The following TMTC2 variants were observed in gnomAD, a reference collection of about 807,000 sequenced individuals.
The protein encoded by TMTC2 is transmembrane O-mannosyltransferase targeting cadherins 2.
A neutral mutation model predicts 82.4 loss-of-function variants in TMTC2; 43 were observed. That is an observed-to-expected ratio of 0.52 (90% confidence interval 0.41 to 0.67). The LOEUF (loss-of-function observed/expected upper bound fraction) is 0.67. Among genes scored for constraint, TMTC2 ranks in the 30% least tolerant of loss-of-function variants. The pLI is 0.00. For missense variants in TMTC2, 919 were observed against 1,012.4 expected (o/e 0.91, Z 1.25); for synonymous variants, 408 against 381.9 (o/e 1.07, Z -0.80).
intron 1 of TMTC2, among the ~76,000 whole-genome samples, chr12:82,715,913 TG>T (rs1873873344): frequency 6.6e-6 from 1 of 152,214 alleles, no homozygotes; most frequent in Non-Finnish European, 1.5e-5. Flanking sequence ...AATCAGATAA[TG>T]ACAACAGAAG....
At chr12:83,094,993 CTAAACA>C (rs1294245971) in intron 11 of TMTC2, among the ~76,000 whole-genome samples, 1 of 152,088 alleles carries the variant, frequency 6.6e-6, no homozygotes, top group Non-Finnish European at 1.5e-5. Context: ...AATAGATGCT[CTAAACA>C]TAAAGTTCAT....
rs750819932 is a variant in TMTC2 at position 82,958,354 on chromosome 12, C to CAA, written c.1599-6655_1599-6654dup. Among the ~76,000 whole-genome samples, 87 of 19,868 alleles carry CAA rather than the reference C, an allele frequency of 4.4e-3. 1 individual carries two copies. Among genetic ancestry groups the CAA allele is most frequent in the East Asian group, 0.017 (13 of 784 alleles). The allele number at this position is 19,868 out of a possible 152,430, so 13.0% of individuals were successfully genotyped here. ...TAGGTGACAGAGCAAGAGTCTGTCT[C>CAA]AAAAAAAAAAAAAAAACAAAAAAAA... is the stretch of plus-strand genomic sequence containing the variant. On this transcript the variant is annotated intron_variant, in intron 4 of 11. Coordinates refer to ENST00000321196, the MANE Select transcript of TMTC2 (RefSeq NM_152588.3).
intron 2 of TMTC2, among the ~76,000 whole-genome samples, chr12:82,894,674 C>T (rs1265845795): frequency 6.6e-6 from 1 of 152,138 alleles, no homozygotes; most frequent in Non-Finnish European, 1.5e-5. Context: ...TAGATGTCAC[C>T]TAAGTTTCTT....
rs185145813 is a variant in TMTC2 at position 83,055,559 on chromosome 12, C to T, written c.2267+4541C>T. ...ATTGAATCATTTATTCTATTAGAAA[C>T]ATTTTCCGTGAATGGATTTATTCAG... On this transcript the variant is annotated intron_variant, in intron 10 of 11. Coordinates refer to ENST00000321196, the MANE Select transcript of TMTC2 (RefSeq NM_152588.3). Among the ~76,000 whole-genome samples the T allele has an allele frequency of 8.4e-3, 1,281 of 152,144 alleles. 14 individuals are homozygous for T. Among genetic ancestry groups the T allele is most frequent in the Non-Finnish European group, 0.013 (880 of 67,960 alleles).
chr12:82,899,361 T>G (rs1592611109), intron 3 of TMTC2, among the ~76,000 whole-genome samples: 1 of 151,934 alleles, frequency 6.6e-6, no homozygotes, highest in African/African-American at 2.4e-5. Flanking sequence ...CCCTTCACAG[T>G]TGACCTCCTC....
intron 1 of TMTC2, among the ~76,000 whole-genome samples, chr12:82,845,762 A>C (rs1870625047): frequency 6.6e-6 from 1 of 152,022 alleles, no homozygotes. Context: ...AATCAGTGAA[A>C]GTGCTTAGAG....
chr12:83,002,454 T>C (rs988899929), intron 8 of TMTC2, among the ~76,000 whole-genome samples: 1 of 152,184 alleles, frequency 6.6e-6, no homozygotes, highest in Non-Finnish European at 1.5e-5. Flanking sequence ...AATTTAGCTT[T>C]GTGGTTGGTT....
At chr12:83,102,118 G>C (rs1884239047) in intron 11 of TMTC2, among the ~76,000 whole-genome samples, 1 of 152,132 alleles carries the variant, frequency 6.6e-6, no homozygotes, top group East Asian at 1.9e-4. Flanking sequence ...AGGCCCGTAA[G>C]GTGCAAATAT....
intron 11 of TMTC2, among the ~76,000 whole-genome samples, chr12:83,117,377 T>C (rs1013119016): frequency 3.3e-5 from 5 of 152,200 alleles, no homozygotes. Context: ...CTTAACAAAA[T>C]ACTAGCTAAC....
intron 11 of TMTC2, among the ~76,000 whole-genome samples, chr12:83,119,446 A>C (rs571813182): frequency 2.0e-5 from 3 of 152,102 alleles, no homozygotes; most frequent in Non-Finnish European, 4.4e-5. Context: ...GTGTATTTGC[A>C]TGGTTCTGAA....
chr12:82,895,940 C>T lies in TMTC2; in HGVS notation c.777C>T (p.Pro259=), dbSNP rs757222007. 5.6e-6 allele frequency: 9 copies of T among 1,613,802 alleles called. No individual in the cohort carries two copies. In the East Asian group the frequency reaches 1.3e-4, roughly 24 times the overall value. The change falls in exon 3 of 12, where the codon CCC becomes CCT. Residue 259 remains proline, a synonymous_variant. Transcript: ENST00000321196. ...KPPSFSNSDN[P]AADSDSLLTR... is the part of the protein sequence containing the mutation. ...CAAGCTTTTCCAACTCGGACAACCC[C>T]GCTGCTGATTCGGACAGCCTCCTCA...
intron 8 of TMTC2, among the ~76,000 whole-genome samples, chr12:83,022,578 A>T (rs1350216285): frequency 6.6e-6 from 1 of 152,080 alleles, no homozygotes; most frequent in Admixed American, 6.6e-5. Context: ...AGAGTGAAAC[A>T]TCACATCTCT....
intron 1 of TMTC2, among the ~76,000 whole-genome samples, chr12:82,725,228 T>C (rs1290008635): frequency 6.6e-6 from 1 of 152,160 alleles, no homozygotes; most frequent in Admixed American, 6.6e-5. Context: ...GGGGATACTT[T>C]TTTTTCCTCC....
chr12:83,012,338 C>T (rs998452834), intron 8 of TMTC2, among the ~76,000 whole-genome samples: 2 of 151,938 alleles, frequency 1.3e-5, no homozygotes, highest in Admixed American at 1.3e-4. Flanking sequence ...TTTTACACAA[C>T]TAATTAGACA....
rs528390164 is a variant in TMTC2 at position 83,034,162 on chromosome 12, A to G, written c.2152+3283A>G. 3.3e-5 allele frequency among the ~76,000 whole-genome samples: 5 copies of G among 152,272 alleles called. No homozygotes were observed. In the East Asian group the frequency reaches 9.6e-4, roughly 29 times the overall value. On this transcript the variant is annotated intron_variant, in intron 9 of 11. Transcript: ENST00000321196. ...CTGTGTTCAGAAAGTAATACTGTAT[A>G]GGAAATAAACAGGATGTCATCTTTA... is the stretch of plus-strand genomic sequence containing the variant.
intron 1 of TMTC2, among the ~76,000 whole-genome samples, chr12:82,797,536 A>G (rs780321376): frequency 2.0e-5 from 3 of 152,190 alleles, no homozygotes; most frequent in East Asian, 3.8e-4. Context: ...GTATCACAAC[A>G]TATGTTGGTT....
At chr12:82,925,975 A>T (rs555824326) in intron 3 of TMTC2, among the ~76,000 whole-genome samples, 1 of 132,000 alleles carries the variant, frequency 7.6e-6, no homozygotes, top group East Asian at 2.3e-4. Context: ...ATATGGAGAA[A>T]ATTGTTTTTT....
At chr12:82,770,651 CTACTT>C (rs966430827) in intron 1 of TMTC2, among the ~76,000 whole-genome samples, 27 of 152,094 alleles carry the variant, frequency 1.8e-4, no homozygotes, top group African/African-American at 6.5e-4. Flanking sequence ...TCACATAGCT[CTACTT>C]TATTTTATTG....
At chr12:83,126,961 A>G (rs915617239) in intron 11 of TMTC2, among the ~76,000 whole-genome samples, 1 of 152,130 alleles carries the variant, frequency 6.6e-6, no homozygotes, top group Non-Finnish European at 1.5e-5. Context: ...TATACTATTC[A>G]TTTTTAAGCA....
Sources: allele counts gnomAD v4.1 joint callset (sites outside exome capture counted in the v4.1 genomes callset), GRCh38; gene constraint gnomAD v4.1.1; transcripts MANE v1.5; gene names NCBI Gene and HGNC (gene_info 2026-07-23, HGNC 2026-07-21).